GLIS3: variants seen among roughly 807,000 people sequenced by gnomAD.
The protein encoded by GLIS3 is GLIS family zinc finger 3.
GLIS3 carries 53 observed loss-of-function variants against 78.6 expected under a neutral mutation model. The observed-to-expected ratio is 0.67, with a 90% CI of 0.54 to 0.85. GLIS3 has a LOEUF of 0.85. GLIS3 is among the 40% of genes least tolerant of loss of function. GLIS3 has a pLI of 0.00. For synonymous variants in GLIS3, 684 were observed against 509.9 expected (o/e 1.34, Z -4.60); for missense variants, 1,703 against 1,231.1 (o/e 1.38, Z -5.74).
At chr9:4,228,157 A>G (rs1459046674) in intron 2 of GLIS3, among the ~76,000 whole-genome samples, 1 of 151,490 alleles carries the variant, frequency 6.6e-6, no homozygotes, top group Non-Finnish European at 1.5e-5. Context: ...TTGAAAGACA[A>G]AAGGGTAAAG....
At chr9:4,328,711 A>C (rs530414967) in intron 2 of GLIS3, among the ~76,000 whole-genome samples, 1 of 152,350 alleles carries the variant, frequency 6.6e-6, no homozygotes, top group East Asian at 1.9e-4. Flanking sequence ...TGAATTTCTT[A>C]GGCTTTCTGT....
At chr9:4,270,947 C>G (rs553305095) in intron 2 of GLIS3, among the ~76,000 whole-genome samples, 84 of 149,184 alleles carry the variant, frequency 5.6e-4, no homozygotes, top group African/African-American at 2.0e-3. Context: ...ACACAACTGA[C>G]CCTTGAACAA....
At chr9:4,218,927 C>G (rs925897882) in intron 2 of GLIS3, among the ~76,000 whole-genome samples, 1 of 152,222 alleles carries the variant, frequency 6.6e-6, no homozygotes, top group African/African-American at 2.4e-5. Context: ...AACAATTGTC[C>G]TTTCTCTTCC....
At chr9:4,397,048 A>C in the GLIS3 span, among the ~76,000 whole-genome samples, 74 of 133,414 alleles carry the variant, frequency 5.5e-4, no homozygotes, top group African/African-American at 1.9e-3. Flanking sequence ...TTTTTTGAGA[A>C]AGAGTCTCGC....
chr9:4,017,427 G>T (rs1822528383), intron 4 of GLIS3, among the ~76,000 whole-genome samples: 1 of 152,128 alleles, frequency 6.6e-6, no homozygotes, highest in Non-Finnish European at 1.5e-5. Context: ...GCAATCTGTG[G>T]AAGCTTGCGT....
chr9:4,117,660 T>C, intron 4 of GLIS3, 108 bp downstream of exon 4: 1 of 1,247,110 alleles, frequency 8.0e-7, no homozygotes, highest in South Asian at 1.2e-5. Context: ...CATGGATACC[T>C]AGACCCCCAC....
At chr9:4,235,565 C>A (rs1177899437) in intron 2 of GLIS3, among the ~76,000 whole-genome samples, 1 of 152,174 alleles carries the variant, frequency 6.6e-6, no homozygotes, top group South Asian at 2.1e-4. Context: ...CCCAGTTACT[C>A]CTACCGGCTC....
intron 2 of GLIS3, among the ~76,000 whole-genome samples, chr9:4,142,826 C>T (rs1833910362): frequency 6.6e-6 from 1 of 152,140 alleles, no homozygotes; most frequent in South Asian, 2.1e-4. Flanking sequence ...TCCTTCCAAA[C>T]CTAACCCATC....
chr9:3,938,015 G>A (rs904625751), intron 4 of GLIS3, among the ~76,000 whole-genome samples: 3 of 152,006 alleles, frequency 2.0e-5, no homozygotes, highest in African/African-American at 7.3e-5. Context: ...GTCTTCTGAG[G>A]GCAAAATATC....
At chr9:4,397,541 G>A in the GLIS3 span, among the ~76,000 whole-genome samples, 9 of 151,616 alleles carry the variant, frequency 5.9e-5, no homozygotes, top group Non-Finnish European at 1.3e-4. Context: ...CCAAGCAAGG[G>A]ACTTCAAGGC....
At chr9:4,125,576 G>C (rs1002508004) in intron 3 of GLIS3, among the ~76,000 whole-genome samples, 158 bp downstream of exon 3, 1 of 152,024 alleles carries the variant, frequency 6.6e-6, no homozygotes, top group African/African-American at 2.4e-5. Context: ...CTTAGTTTTA[G>C]ACATATTCCC....
At chr9:4,129,943 C>A (rs2130930825) in intron 2 of GLIS3, among the ~76,000 whole-genome samples, 1 of 152,270 alleles carries the variant, frequency 6.6e-6, no homozygotes, top group African/African-American at 2.4e-5. Flanking sequence ...GAAGTCCAGG[C>A]TGAGGAGGTC....
chr9:4,272,704 C>T (rs889797079), intron 2 of GLIS3, among the ~76,000 whole-genome samples: 1 of 152,158 alleles, frequency 6.6e-6, no homozygotes, highest in African/African-American at 2.4e-5. Context: ...CACTCACTGG[C>T]CCCAATAAGT....
At chr9:4,373,690 C>T in the GLIS3 span, among the ~76,000 whole-genome samples, 45 of 144,374 alleles carry the variant, frequency 3.1e-4, no homozygotes, top group South Asian at 6.5e-4. Context: ...TTTTTTGAGA[C>T]GGAGTCTTGC....
chr9:4,229,558 T>A (rs1442952950), intron 2 of GLIS3, among the ~76,000 whole-genome samples: 2 of 152,210 alleles, frequency 1.3e-5, no homozygotes, highest in Non-Finnish European at 2.9e-5. Flanking sequence ...TCACGGTACA[T>A]TTAAAAGTGC....
At chr9:3,846,160 A>T (rs1819026313) in intron 9 of GLIS3, among the ~76,000 whole-genome samples, 1 of 152,236 alleles carries the variant, frequency 6.6e-6, no homozygotes, top group Non-Finnish European at 1.5e-5. Context: ...CTCTACTGAC[A>T]GCAGAATGTT....
intron 5 of GLIS3, among the ~76,000 whole-genome samples, chr9:3,935,638 G>A (rs1588265186): frequency 6.6e-6 from 1 of 152,142 alleles, no homozygotes; most frequent in East Asian, 1.9e-4. Context: ...CCATGATAAA[G>A]GTTAATGACG....
chr9:3,869,587 C>T (rs976390209), intron 8 of GLIS3, among the ~76,000 whole-genome samples: 1 of 152,220 alleles, frequency 6.6e-6, no homozygotes, highest in East Asian at 1.9e-4. Context: ...ATGGGAAGAA[C>T]TTCCAGAATT....
chr9:4,320,214 TGAATGTCTCC>T (rs1409801111), intron 2 of GLIS3, among the ~76,000 whole-genome samples: 1 of 152,232 alleles, frequency 6.6e-6, no homozygotes, highest in African/African-American at 2.4e-5. Context: ...TGAATGTCTC[TGAATGTCTCC>T]CTGACCCTGC....
Sources: allele counts gnomAD v4.1 joint callset (sites outside exome capture counted in the v4.1 genomes callset), GRCh38; gene constraint gnomAD v4.1.1; transcripts MANE v1.5; gene names NCBI Gene and HGNC (gene_info 2026-07-23, HGNC 2026-07-21).